Variants in KIF18A observed in about 807,000 individuals in gnomAD.
The protein encoded by KIF18A is kinesin family member 18A, also known as kinesin-like protein KIF18A.
In KIF18A, 67 loss-of-function variants were observed where a neutral mutation model predicts 103.3. The observed-to-expected ratio is 0.65, with a 90% CI of 0.53 to 0.79. The LOEUF is 0.79. Among genes scored for constraint, KIF18A ranks in the 30% least tolerant of loss-of-function variants. The probability of loss-of-function intolerance (pLI) is 0.00; values close to 1 mark genes in which losing one functional copy is unlikely to be tolerated. For synonymous variants in KIF18A, 367 were observed against 355.5 expected, an observed-to-expected ratio of 1.03 and a Z score of -0.36; for missense variants, 1,032 against 1,062.5, an observed-to-expected ratio of 0.97 and a Z score of 0.40.
At chr11:28,050,912 C>T (rs1159605818) in intron 13 of KIF18A, among the ~76,000 whole-genome samples, 3 of 151,652 alleles carry the variant, frequency 2.0e-5, no homozygotes, top group African/African-American at 7.3e-5. Context: ...AATTAAAATT[C>T]ATAAAATTTA....
In KIF18A at chr11:28,021,010, A is replaced by C. The variant is rs569715301; in HGVS notation, c.*190T>G. 1.3e-5 allele frequency: 6 copies of C among 452,284 alleles called. No homozygotes were observed. The East Asian group carries it at 3.2e-4, about 24-fold the overall frequency. 28.0% of individuals were successfully genotyped at this position (452,284 alleles called of 1,614,324 possible). ...CTTAAAAGACAACCTTTTCTTTTGA[A>C]ATTTTATTTTTTTAGAACACAAAAG... On this transcript the variant is annotated 3_prime_UTR_variant, in exon 17 of 17. Coordinates refer to ENST00000263181, the MANE Select transcript of KIF18A (RefSeq NM_031217.4).
Position 28,058,914 on chromosome 11 carries a change from A to C in KIF18A, c.1948+12T>G, listed in dbSNP as rs1360007685. The C allele has an allele frequency of 6.2e-7, 1 of 1,602,500 alleles. No individual in the cohort carries two copies. On this transcript the variant is annotated intron_variant, in intron 13 of 16. Coordinates refer to ENST00000263181, the MANE Select transcript of KIF18A (RefSeq NM_031217.4). ...AATGTTACTATTTACTTAAAACGAA[A>C]GTTATACTTACAACAAGGAATAGGC... is the stretch of plus-strand genomic sequence containing the variant.
chr11:28,063,960 C>T (rs57030779), intron 11 of KIF18A, among the ~76,000 whole-genome samples: 206 of 151,750 alleles, frequency 1.4e-3, no homozygotes, highest in African/African-American at 4.8e-3. Context: ...TCTAAAATGT[C>T]AAAGTTATTT....
chr11:28,067,325 G>C (rs1294147471), intron 11 of KIF18A, among the ~76,000 whole-genome samples: 2 of 152,096 alleles, frequency 1.3e-5, no homozygotes, highest in African/African-American at 4.8e-5. Flanking sequence ...AGATTAAATT[G>C]TTGGCTCAAT....
intron 15 of KIF18A, among the ~76,000 whole-genome samples, chr11:28,024,444 TG>T (rs748692802): frequency 3.4e-4 from 51 of 152,096 alleles, no homozygotes; most frequent in Non-Finnish European, 6.3e-4. Flanking sequence ...CAATTTGAGT[TG>T]CCATATTAGT....
At chr11:28,021,366 C>A in intron 16 of KIF18A, 84 bp from the exon 17 acceptor site, 4 of 1,096,604 alleles carry the variant, frequency 3.6e-6, no homozygotes, top group Non-Finnish European at 4.7e-6. Context: ...AAAATTATGA[C>A]CATAGAAAGA....
intron 3 of KIF18A, among the ~76,000 whole-genome samples, chr11:28,093,210 A>C (rs376092281): frequency 7.9e-5 from 12 of 152,196 alleles, no homozygotes; most frequent in Non-Finnish European, 1.5e-4. Flanking sequence ...GGATCTAAGG[A>C]AAAAATAATG....
chr11:28,093,232 C>G (rs1252705756), intron 3 of KIF18A, among the ~76,000 whole-genome samples: 1 of 152,000 alleles, frequency 6.6e-6, no homozygotes, highest in African/African-American at 2.4e-5. Context: ...ATGCTGGCAC[C>G]CTCTTTTCCC....
intron 9 of KIF18A, among the ~76,000 whole-genome samples, chr11:28,078,927 G>A (rs1004885739): frequency 6.6e-6 from 1 of 152,002 alleles, no homozygotes; most frequent in Non-Finnish European, 1.5e-5. Flanking sequence ...TCAAAAGGCA[G>A]TAATTTTTAG....
At chr11:28,056,340 T>G (rs1850780250) in intron 13 of KIF18A, among the ~76,000 whole-genome samples, 1 of 151,980 alleles carries the variant, frequency 6.6e-6, no homozygotes, top group Non-Finnish European at 1.5e-5. Flanking sequence ...ATTAAAAATT[T>G]TATGGATTTA....
At chr11:28,057,623 T>C (rs1200315488) in intron 13 of KIF18A, among the ~76,000 whole-genome samples, 6 of 152,006 alleles carry the variant, frequency 3.9e-5, no homozygotes, top group African/African-American at 1.4e-4. Context: ...TCATGGGTAC[T>C]AAGTACAGAA....
intron 6 of KIF18A, among the ~76,000 whole-genome samples, chr11:28,085,835 G>A (rs761461315): frequency 2.6e-5 from 4 of 152,030 alleles, no homozygotes; most frequent in African/African-American, 7.2e-5. Context: ...GCCAAGTCCC[G>A]TAGGGCTTGA....
chr11:28,021,656 C>T (rs886106111), intron 16 of KIF18A, among the ~76,000 whole-genome samples: 4 of 151,964 alleles, frequency 2.6e-5, no homozygotes, highest in African/African-American at 7.3e-5. Context: ...ATTATATTTC[C>T]CCAGGGATTT....
chr11:28,060,103 G>A (rs761403488), intron 12 of KIF18A, among the ~76,000 whole-genome samples: 3 of 152,124 alleles, frequency 2.0e-5, no homozygotes, highest in Admixed American at 6.6e-5. Flanking sequence ...AGCACCGAAT[G>A]TAATTTTTTG....
intron 2 of KIF18A, among the ~76,000 whole-genome samples, chr11:28,096,812 G>C (rs1851381529): frequency 6.6e-6 from 1 of 150,918 alleles, no homozygotes; most frequent in South Asian, 2.1e-4. Context: ...TATTAATAAT[G>C]GTGTTTAGTG....
intron 3 of KIF18A, among the ~76,000 whole-genome samples, chr11:28,091,955 A>G (rs977177321): frequency 2.6e-5 from 4 of 152,098 alleles, no homozygotes; most frequent in African/African-American, 9.7e-5. Flanking sequence ...AGCTGGGACT[A>G]CTGGCGCCTG....
chr11:28,091,107 C>A (rs987414110), intron 4 of KIF18A, among the ~76,000 whole-genome samples: 1 of 151,068 alleles, frequency 6.6e-6, no homozygotes, highest in South Asian at 2.1e-4. Context: ...ATTAGCCAGT[C>A]TCATAGCCCG....
At chr11:28,057,075 T>C (rs1033600957) in intron 13 of KIF18A, among the ~76,000 whole-genome samples, 7 of 151,926 alleles carry the variant, frequency 4.6e-5, no homozygotes, top group African/African-American at 1.7e-4. Flanking sequence ...AGTTATTAGA[T>C]ACGAAGTGCC....
At position 28,036,658 on chromosome 11, in the gene KIF18A, G is replaced by A. The variant is rs1177228565; in HGVS notation, c.1955C>T (p.Ser652Phe). The A allele has an allele frequency of 6.4e-7, 1 of 1,566,076 alleles. No individual in the cohort carries two copies. Among genetic ancestry groups the A allele is most frequent in the Non-Finnish European group, 8.7e-7 (1 of 1,153,902 alleles). ...GPVQPIPCCS[S>F]SGGTNLVKIP... is the part of the protein sequence containing the mutation. Reference sequence around the variant, plus strand: ...CTTAACCAGATTAGTTCCACCTGAAGATGAGCCTATTCAAAAAAATAAAAA... The same window carrying A: ...CTTAACCAGATTAGTTCCACCTGAAAATGAGCCTATTCAAAAAAATAAAAA... The change falls in exon 14 of 17, where the codon TCT becomes TTT. Residue 652 changes from serine (S) to phenylalanine (F), a missense_variant. Coordinates refer to ENST00000263181, the MANE Select transcript of KIF18A (RefSeq NM_031217.4).
Sources: allele counts gnomAD v4.1 joint callset (sites outside exome capture counted in the v4.1 genomes callset), GRCh38; gene constraint gnomAD v4.1.1; transcripts MANE v1.5; gene names NCBI Gene and HGNC (gene_info 2026-07-23, HGNC 2026-07-21).